The following LVRN variants were observed in gnomAD, a reference collection of about 807,000 sequenced individuals.
LVRN encodes the protein laeverin.
Under a neutral mutation model 111.4 loss-of-function variants are expected in LVRN, and 99 were observed. The observed-to-expected ratio is 0.89, with a 90% CI of 0.76 to 1.05. The LOEUF (loss-of-function observed/expected upper bound fraction) is 1.05, where lower values mean the gene tolerates loss of function less well. Among genes scored for constraint, LVRN ranks in the 50% least tolerant of loss-of-function variants. The pLI is 0.00. For missense variants in LVRN, 1,414 were observed against 1,206.8 expected (o/e 1.17, Z -2.54); for synonymous variants, 488 against 449.5 (o/e 1.09, Z -1.08).
At chr5:115,992,043 G>C (rs1181486169) in intron 4 of LVRN, 80 bp from the exon 5 acceptor site, 1 of 1,377,714 alleles carries the variant, frequency 7.3e-7, no homozygotes, top group Non-Finnish European at 9.9e-7. Context: ...GTAATTTTAT[G>C]ATTTCATTTT....
At chr5:115,974,400 T>C (rs1186240981) in intron 1 of LVRN, 1 of 152,250 alleles carries the variant, frequency 6.6e-6, no homozygotes, top group East Asian at 1.9e-4. Flanking sequence ...GTAATGCTGA[T>C]TGCAATATAA....
chr5:115,980,770 A>G (rs908438498), intron 1 of LVRN, among the ~76,000 whole-genome samples: 1 of 151,998 alleles, frequency 6.6e-6, no homozygotes, highest in African/African-American at 2.4e-5. Flanking sequence ...AAAATACATG[A>G]GCATGTATTT....
Position 116,026,405 on chromosome 5 carries a change from A to G in LVRN, c.*287A>G. 2.5e-6 allele frequency: 1 copy of G among 396,994 alleles called. No individual in the cohort carries two copies. Among genetic ancestry groups the G allele is most frequent in the Admixed American group, 4.1e-5 (1 of 24,454 alleles). The allele number at this position is 396,994 out of a possible 1,614,324, so 24.6% of individuals were successfully genotyped here. A position where few individuals can be genotyped will look rare whatever the true frequency, so the allele number is the denominator to read the frequency against. On this transcript the variant is annotated 3_prime_UTR_variant, in exon 20 of 20. Coordinates refer to ENST00000357872, the MANE Select transcript of LVRN (RefSeq NM_173800.5). ...ATGTCACGTAAAAACAAATTCACCT[A>G]AGATAGTCTTGCTTATTTTGTTGCG...
intron 1 of LVRN, 64 bp downstream of exon 1, chr5:115,963,376 GGTCCAGCTGACTACCGT>G: frequency 7.2e-7 from 1 of 1,383,936 alleles, no homozygotes; most frequent in Non-Finnish European, 9.7e-7. Flanking sequence ...GCAGGCTGCG[GGTCCAGCTGACTACCGT>G]GTCCAGGTGC....
At chr5:116,007,800 T>G (rs752719826) in intron 13 of LVRN, among the ~76,000 whole-genome samples, 1 of 152,248 alleles carries the variant, frequency 6.6e-6, no homozygotes, top group African/African-American at 2.4e-5. Flanking sequence ...GCTCATGTTA[T>G]GTCTCTGGGT....
chr5:115,970,675 G>A lies in LVRN; in HGVS notation c.695+7363G>A, dbSNP rs185040472. Among the ~76,000 whole-genome samples the A allele has an allele frequency of 1.7e-3, 248 of 149,728 alleles. 1 individual carries two copies. The highest frequency in any genetic ancestry group is 5.4e-3 in the African/African-American group (224 of 41,106). Reference sequence around the variant, plus strand: ...GCTGGGATTACAGGTGTGAGCCACCGCACCCATCTGAAATACATGCTTTTT... The same window carrying A: ...GCTGGGATTACAGGTGTGAGCCACCACACCCATCTGAAATACATGCTTTTT... On this transcript the variant is annotated intron_variant, in intron 1 of 19. Transcript: ENST00000357872.
intron 18 of LVRN, among the ~76,000 whole-genome samples, chr5:116,017,428 A>C (rs1580400899): frequency 6.6e-6 from 1 of 152,232 alleles, no homozygotes; most frequent in Non-Finnish European, 1.5e-5. Flanking sequence ...TTGGAGGTCA[A>C]TTCTAGAATC....
At position 115,962,883 on chromosome 5, in the gene LVRN, C is replaced by G. The variant is rs751209626; in HGVS notation, c.266C>G (p.Pro89Arg). 6.8e-6 allele frequency: 11 copies of G among 1,613,046 alleles called. No homozygotes were observed. Reference sequence around the variant, plus strand: ...ACGACCACCCCGAGCAACTGGCGACCCCCGGGGCCCTGGGACCAGCTACGC... The same window carrying G: ...ACGACCACCCCGAGCAACTGGCGACGCCCGGGGCCCTGGGACCAGCTACGC... ...AVTTTPSNWR[P>R]PGPWDQLRLP... Residue 89 changes from proline to arginine, a missense_variant, in exon 1 of 20, where the codon CCC becomes CGC. Transcript: ENST00000357872.
intron 13 of LVRN, among the ~76,000 whole-genome samples, chr5:116,008,187 A>T (rs1748416386): frequency 6.7e-6 from 1 of 149,642 alleles, no homozygotes; most frequent in African/African-American, 2.5e-5. Flanking sequence ...CTAAAAATAC[A>T]AAAAAAATCA....
At chr5:115,964,307 A>G (rs751054631) in intron 1 of LVRN, among the ~76,000 whole-genome samples, 1 of 152,220 alleles carries the variant, frequency 6.6e-6, no homozygotes. Flanking sequence ...AAAGAATCCC[A>G]CTAAATTACA....
rs1753114837 is a variant in LVRN at position 115,962,908 on chromosome 5, C to A, written c.291C>A (p.Arg97=). The A allele has an allele frequency of 2.5e-6, 4 of 1,612,960 alleles. No homozygotes were observed. The South Asian group carries it at 4.4e-5, about 18-fold the overall frequency. The part of the protein sequence containing the change: ...WRPPGPWDQL[R]LPPWLVPLHY... ...CCCCGGGGCCCTGGGACCAGCTACG[C>A]CTGCCGCCCTGGCTCGTGCCGCTGC... is the stretch of plus-strand genomic sequence containing the variant. The change falls in exon 1 of 20, where the codon CGC becomes CGA. Residue 97 remains arginine (R), a synonymous_variant. Transcript: ENST00000357872.
chr5:115,997,837 C>A (rs1240396008), intron 6 of LVRN, among the ~76,000 whole-genome samples: 1 of 152,048 alleles, frequency 6.6e-6, no homozygotes, highest in African/African-American at 2.4e-5. Flanking sequence ...AGAACTGAAA[C>A]AGGCTACAGA....
intron 1 of LVRN, among the ~76,000 whole-genome samples, chr5:115,979,622 T>C (rs963762881): frequency 1.3e-5 from 2 of 152,216 alleles, no homozygotes; most frequent in Non-Finnish European, 1.5e-5. Context: ...ATATCTATTA[T>C]GTTTTGTTGC....
rs1378529952 is a variant in LVRN at position 116,026,780 on chromosome 5, TGATTGTA to T, written c.*664_*670del. 6.5e-6 allele frequency: 1 copy of T among 152,830 alleles called. No homozygotes were observed. The highest frequency in any genetic ancestry group is 2.4e-5 in the African/African-American group (1 of 41,428). 9.5% of individuals were successfully genotyped at this position (152,830 alleles called of 1,614,324 possible). ...CTTTATGGTGTCACAAAAAGACAAATGATTGTAGGATCCATGGAAGTGCACTTAGGCT... is the reference window on the plus strand; with the variant it reads ...CTTTATGGTGTCACAAAAAGACAAATGGATCCATGGAAGTGCACTTAGGCT... On this transcript the variant is annotated 3_prime_UTR_variant, in exon 20 of 20. Coordinates refer to ENST00000357872, the MANE Select transcript of LVRN (RefSeq NM_173800.5).
intron 6 of LVRN, among the ~76,000 whole-genome samples, chr5:115,994,361 C>T (rs1164194702): frequency 1.3e-5 from 2 of 152,098 alleles, no homozygotes; most frequent in African/African-American, 2.4e-5. Context: ...CAGTCTCGAC[C>T]TCCTGGGCTC....
At chr5:115,995,947 CGTGTGTGT>C (rs3072895) in intron 6 of LVRN, among the ~76,000 whole-genome samples, 3 of 150,900 alleles carry the variant, frequency 2.0e-5, no homozygotes, top group African/African-American at 4.8e-5. Flanking sequence ...AGAAGCTAAT[CGTGTGTGT>C]GTGTGTGTGT....
chr5:116,018,368 G>A (rs1015005329), intron 18 of LVRN, among the ~76,000 whole-genome samples: 7 of 151,812 alleles, frequency 4.6e-5, no homozygotes, highest in Non-Finnish European at 8.8e-5. Flanking sequence ...CTTTTAATGT[G>A]TTCTTAACTA....
intron 2 of LVRN, 113 bp from the exon 3 acceptor site, chr5:115,984,457 T>C: frequency 3.9e-6 from 5 of 1,296,370 alleles, no homozygotes; most frequent in Middle Eastern, 2.3e-4. Flanking sequence ...ACTGCTAGAC[T>C]ATGAGGAATA....
Position 116,015,257 on chromosome 5 carries a change from C to A in LVRN, c.2456C>A (p.Pro819His). ...KWVDHPENEI[P>H]YPIKDVVLCY... Reference sequence around the variant, plus strand: ...TTTTATGTTATATTTTACAGAATACCTTATCCAATTAAAGATGTGGTTTTA... The same window carrying A: ...TTTTATGTTATATTTTACAGAATACATTATCCAATTAAAGATGTGGTTTTA... Residue 819 changes from proline to histidine, a missense_variant, in exon 17 of 20, where the codon CCT becomes CAT. Pro to His is a moderately conservative substitution (Grantham distance 77). Transcript: ENST00000357872. 1 of 1,587,888 alleles carries A rather than the reference C, an allele frequency of 6.3e-7. No individual in the cohort carries two copies. Among genetic ancestry groups the A allele is most frequent in the Non-Finnish European group, 8.6e-7 (1 of 1,168,340 alleles).
Sources: allele counts gnomAD v4.1 joint callset (sites outside exome capture counted in the v4.1 genomes callset), GRCh38; gene constraint gnomAD v4.1.1; transcripts MANE v1.5; gene names NCBI Gene and HGNC (gene_info 2026-07-23, HGNC 2026-07-21).